The following RAPGEF6 variants were observed in gnomAD, a reference collection of about 807,000 sequenced individuals.
RAPGEF6 encodes PDZ domain containing guanine nucleotide exchange factor (GEF) 2.
Under a neutral mutation model 171.4 loss-of-function variants are expected in RAPGEF6, and 56 were observed. That is an observed-to-expected ratio of 0.33 (90% CI 0.26 to 0.41). The LOEUF is 0.41. RAPGEF6 is among the 10% of genes least tolerant of loss of function. The pLI, the probability that RAPGEF6 is intolerant of heterozygous loss-of-function variation, is 1.00. For synonymous variants in RAPGEF6, 692 were observed against 650.1 expected, an observed-to-expected ratio of 1.06 and a Z score of -0.98; for missense variants, 1,674 against 1,921.4, an observed-to-expected ratio of 0.87 and a Z score of 2.41.
intron 1 of RAPGEF6, 46 bp from the exon 2 acceptor site, chr5:131,604,739 T>A (rs1764448993): frequency 1.3e-6 from 2 of 1,554,252 alleles, no homozygotes; most frequent in East Asian, 4.7e-5. Context: ...AAATATGCTG[T>A]TTAAAATATA....
chr5:131,497,503 C>T (rs904592040), intron 12 of RAPGEF6, among the ~76,000 whole-genome samples: 1 of 152,192 alleles, frequency 6.6e-6, no homozygotes, highest in Non-Finnish European at 1.5e-5. Context: ...TCTTCTGTCT[C>T]TGACCCATTT....
At chr5:131,475,694 G>GT (rs1295500704) in intron 16 of RAPGEF6, among the ~76,000 whole-genome samples, 6 of 152,138 alleles carry the variant, frequency 3.9e-5, no homozygotes, top group African/African-American at 1.2e-4. Context: ...CCATACTTCC[G>GT]TCTTAACTTA....
At chr5:131,615,876 G>A (rs755161112) in intron 1 of RAPGEF6, among the ~76,000 whole-genome samples, 26 of 151,956 alleles carry the variant, frequency 1.7e-4, no homozygotes, top group East Asian at 1.5e-3. Context: ...ACTCCAGCCC[G>A]GGCAACAGAG....
chr5:131,432,973 T>A (rs1024723912), intron 25 of RAPGEF6, among the ~76,000 whole-genome samples: 11 of 152,248 alleles, frequency 7.2e-5, no homozygotes, highest in Admixed American at 3.3e-4. Context: ...TTTTTTTTTT[T>A]AATTAACCTT....
chr5:131,520,986 T>C (rs535283726), intron 7 of RAPGEF6, among the ~76,000 whole-genome samples: 1 of 152,334 alleles, frequency 6.6e-6, no homozygotes, highest in Non-Finnish European at 1.5e-5. Context: ...AGAGGCTTTA[T>C]GGTAGAAAAG....
intron 5 of RAPGEF6, among the ~76,000 whole-genome samples, chr5:131,551,349 T>C (rs1409545426): frequency 1.3e-5 from 2 of 151,804 alleles, no homozygotes; most frequent in Admixed American, 6.6e-5. Context: ...CCATCTCTAC[T>C]AAAAACTACA....
intron 23 of RAPGEF6, chr5:131,440,260 C>T: frequency 2.2e-6 from 1 of 456,206 alleles, no homozygotes; most frequent in Middle Eastern, 3.3e-4. Flanking sequence ...CAGAAAAAAT[C>T]ATGAATGTAT....
intron 7 of RAPGEF6, chr5:131,511,172 T>C (rs910015757): frequency 2.0e-5 from 3 of 152,144 alleles, no homozygotes; most frequent in African/African-American, 7.2e-5. Context: ...TTAAAGAAAC[T>C]ATAAAATTTT....
intron 15 of RAPGEF6, among the ~76,000 whole-genome samples, chr5:131,483,477 CA>C (rs1353519366): frequency 1.1e-4 from 17 of 149,102 alleles, no homozygotes; most frequent in African/African-American, 4.2e-4. Flanking sequence ...AAAATAGGGA[CA>C]AAAATGAAAG....
intron 6 of RAPGEF6, among the ~76,000 whole-genome samples, chr5:131,537,599 T>C (rs1759852748): frequency 6.6e-6 from 1 of 152,166 alleles, no homozygotes; most frequent in Non-Finnish European, 1.5e-5. Flanking sequence ...ATATTGAAAG[T>C]AATGTTTTGG....
intron 19 of RAPGEF6, 26 bp from the exon 20 acceptor site, chr5:131,456,038 T>G (rs1312915317): frequency 6.3e-7 from 1 of 1,596,582 alleles, no homozygotes; most frequent in African/African-American, 1.3e-5. Flanking sequence ...ATAGAAACAT[T>G]AAAAAGAAAC....
At chr5:131,560,778 A>C (rs1047945447) in intron 5 of RAPGEF6, among the ~76,000 whole-genome samples, 1 of 152,254 alleles carries the variant, frequency 6.6e-6, no homozygotes, top group African/African-American at 2.4e-5. Context: ...TTTGCCCTGT[A>C]AGAGCTTAAA....
rs1279488275 is a variant in RAPGEF6, at chr5:131,606,052, AAG to A, written c.70-1361_70-1360del. The stretch of plus-strand genomic sequence containing the variant: ...CTCAAAAAAAAAAAAAAAAAAAAAA[AAG>A]AAAAAGAAAAGAAAAGAAAAGCATC... On this transcript the variant is annotated intron_variant, in intron 1 of 27. Coordinates refer to ENST00000509018, the MANE Select transcript of RAPGEF6 (RefSeq NM_016340.6). Among the ~76,000 whole-genome samples the A allele has an allele frequency of 5.8e-3, 781 of 134,530 alleles. 30 individuals are homozygous for A. Among genetic ancestry groups the A allele is most frequent in the African/African-American group, 0.025 (725 of 29,112 alleles). The allele number at this position is 134,530 out of a possible 152,430, so 88.3% of individuals were successfully genotyped here.
rs780462301 is a variant in RAPGEF6 at position 131,592,414 on chromosome 5, C to T, written c.250G>A (p.Val84Met). ...WYILLSGSVL[V>M]KGSMVLPPCS... ...GGAGGCAAGACCATGGAGCCTTTCA[C>T]AAGCACAGATCCAGAAAGTAGGATA... The change falls in exon 4 of 28, where the codon GTG becomes ATG. Residue 84 changes from valine to methionine, a missense_variant. Physicochemically the swap from Val to Met is conservative, Grantham distance 21. Coordinates refer to ENST00000509018, the MANE Select transcript of RAPGEF6 (RefSeq NM_016340.6). 31 of 1,613,654 alleles carry T rather than the reference C, an allele frequency of 1.9e-5. No individual in the cohort carries two copies. In the South Asian group the frequency reaches 2.9e-4, roughly 15 times the overall value.
intron 6 of RAPGEF6, among the ~76,000 whole-genome samples, chr5:131,533,546 T>C (rs1258983673): frequency 6.6e-6 from 1 of 152,066 alleles, no homozygotes; most frequent in Non-Finnish European, 1.5e-5. Context: ...TTCTGAAAGA[T>C]ATAACCTTCA....
At chr5:131,518,869 C>G (rs954151168) in intron 7 of RAPGEF6, among the ~76,000 whole-genome samples, 5 of 151,998 alleles carry the variant, frequency 3.3e-5, no homozygotes, top group African/African-American at 7.2e-5. Flanking sequence ...TCTTTTCATG[C>G]TCTCTAAATT....
At chr5:131,538,596 G>A (rs993768679) in intron 6 of RAPGEF6, among the ~76,000 whole-genome samples, 4 of 152,050 alleles carry the variant, frequency 2.6e-5, no homozygotes, top group African/African-American at 9.7e-5. Flanking sequence ...AAAGGGACTC[G>A]AACATCCTCG....
rs569853518 is a variant in RAPGEF6 at position 131,424,384 on chromosome 5, C to T, written c.*2882G>A. 94 of 152,428 alleles carry T rather than the reference C, an allele frequency of 6.2e-4. No individual in the cohort carries two copies. The highest frequency in any genetic ancestry group is 2.1e-3 in the African/African-American group (87 of 41,574). 9.4% of individuals were successfully genotyped at this position (152,428 alleles called of 1,614,324 possible). A position where few individuals can be genotyped will look rare whatever the true frequency, so the allele number is the denominator to read the frequency against. ...TGAAGATTTATCCCGTTTTTCTAGC[C>T]TTTAAGGTAATGCTGAAGGAATACA... is the stretch of plus-strand genomic sequence containing the variant. On this transcript the variant is annotated 3_prime_UTR_variant, in exon 28 of 28. Coordinates refer to ENST00000509018, the MANE Select transcript of RAPGEF6 (RefSeq NM_016340.6).
At position 131,489,563 on chromosome 5, in the gene RAPGEF6, A is replaced by G; in HGVS notation, c.1823T>C (p.Val608Ala). 1 of 1,584,512 alleles carries G rather than the reference A, an allele frequency of 6.3e-7. No homozygotes were observed. The highest frequency in any genetic ancestry group is 8.6e-7 in the Non-Finnish European group (1 of 1,166,898). Residue 608 changes from valine to alanine, a missense_variant, in exon 15 of 28, where the codon GTG becomes GCG. Val to Ala is a moderately conservative substitution (Grantham distance 64, BLOSUM62 0). This residue lies in a region of RAPGEF6 where 1,116 missense variants were observed against 1,321.5 expected (regional missense o/e 0.84). Coordinates refer to ENST00000509018, the MANE Select transcript of RAPGEF6 (RefSeq NM_016340.6). ...LRNNTHLALT[V>A]KTNIFVFKEL... ...AAACTCACCAAAAATGTTGGTCTTCACAGTAAGTGCAAGATGAGTATTATT... is the reference window on the plus strand; with the variant it reads ...AAACTCACCAAAAATGTTGGTCTTCGCAGTAAGTGCAAGATGAGTATTATT...
Sources: allele counts gnomAD v4.1 joint callset (sites outside exome capture counted in the v4.1 genomes callset), GRCh38; gene constraint gnomAD v4.1.1; regional missense constraint gnomAD v4.1.1; transcripts MANE v1.5; gene names NCBI Gene and HGNC (gene_info 2026-07-23, HGNC 2026-07-21).